Variants in GNA14 observed in about 807,000 individuals in gnomAD.
GNA14 encodes the protein guanine nucleotide-binding protein subunit alpha-14.
A neutral mutation model predicts 42.0 loss-of-function variants in GNA14; 50 were observed. That is an observed-to-expected ratio of 1.19 (90% CI 0.95 to 1.51). The LOEUF (loss-of-function observed/expected upper bound fraction) is 1.51. Among genes scored for constraint, GNA14 ranks in the 40% most tolerant of loss-of-function variants. The pLI, the probability that GNA14 is intolerant of heterozygous loss-of-function variation, is 0.00. For synonymous variants in GNA14, 173 were observed against 163.1 expected (o/e 1.06, Z -0.46); for missense variants, 473 against 446.2 (o/e 1.06, Z -0.54).
chr9:77,640,871 C>CAAAAAAAAAA (rs1178043976), intron 1 of GNA14, among the ~76,000 whole-genome samples: 1 of 27,366 alleles, frequency 3.7e-5, no homozygotes, highest in African/African-American at 1.2e-4. Context: ...ATAAAATGCT[C>CAAAAAAAAAA]AAAAAAAAAA....
chr9:77,552,487 G>A (rs1201789419), intron 1 of GNA14, among the ~76,000 whole-genome samples: 1 of 152,120 alleles, frequency 6.6e-6, no homozygotes, highest in African/African-American at 2.4e-5. Flanking sequence ...TCTGTGATAT[G>A]TCCCAAGTTA....
At chr9:77,598,004 A>G (rs1260995589) in intron 1 of GNA14, among the ~76,000 whole-genome samples, 1 of 152,182 alleles carries the variant, frequency 6.6e-6, no homozygotes, top group Non-Finnish European at 1.5e-5. Flanking sequence ...ATTCCACTGC[A>G]TTCCAGCCTG....
At chr9:77,458,472 C>A (rs1836045899) in intron 2 of GNA14, among the ~76,000 whole-genome samples, 3 of 152,132 alleles carry the variant, frequency 2.0e-5, no homozygotes, top group Non-Finnish European at 4.4e-5. Flanking sequence ...CACAGTAGGG[C>A]ACAGTTAGCG....
chr9:77,429,991 C>T (rs1050214411), intron 4 of GNA14, among the ~76,000 whole-genome samples: 3 of 152,040 alleles, frequency 2.0e-5, no homozygotes, highest in Non-Finnish European at 4.4e-5. Context: ...GGTCCACAGG[C>T]CAACCACCCA....
chr9:77,554,536 C>A (rs1441088596), intron 1 of GNA14, among the ~76,000 whole-genome samples: 1 of 152,136 alleles, frequency 6.6e-6, no homozygotes, highest in Non-Finnish European at 1.5e-5. Flanking sequence ...GCGAGGGATT[C>A]ATATTCTGTT....
chr9:77,541,532 G>C (rs1837661276), intron 1 of GNA14, among the ~76,000 whole-genome samples: 1 of 152,054 alleles, frequency 6.6e-6, no homozygotes, highest in African/African-American at 2.4e-5. Context: ...TTTTTGCATT[G>C]TATCTGTTTG....
chr9:77,557,874 T>C (rs550681923), intron 1 of GNA14, among the ~76,000 whole-genome samples: 41 of 152,308 alleles, frequency 2.7e-4, no homozygotes, highest in Non-Finnish European at 5.1e-4. Flanking sequence ...AAAGAGGGAA[T>C]CTGAGCAGCC....
intron 1 of GNA14, among the ~76,000 whole-genome samples, chr9:77,618,603 TATATATATATATATATA>T (rs1369178920): frequency 6.5e-4 from 8 of 12,258 alleles, no homozygotes; most frequent in African/African-American, 1.9e-3. Context: ...TATATATATA[TATATATATATATATATA>T]TTTTTTTTTT....
At chr9:77,644,643 A>G (rs1474241982) in intron 1 of GNA14, among the ~76,000 whole-genome samples, 2 of 152,082 alleles carry the variant, frequency 1.3e-5, no homozygotes, top group African/African-American at 4.8e-5. Flanking sequence ...GAAGCCTCCC[A>G]GTCTGTGGTA....
intron 1 of GNA14, among the ~76,000 whole-genome samples, chr9:77,529,907 T>C (rs1837503398): frequency 6.6e-6 from 1 of 152,166 alleles, no homozygotes; most frequent in Non-Finnish European, 1.5e-5. Context: ...ACATTCATAT[T>C]AGATTGAGAG....
intron 2 of GNA14, among the ~76,000 whole-genome samples, chr9:77,472,971 G>A (rs1836358708): frequency 6.6e-6 from 1 of 152,188 alleles, no homozygotes; most frequent in African/African-American, 2.4e-5. Flanking sequence ...AAGTCACCCA[G>A]TTAATGGCAT....
intron 1 of GNA14, among the ~76,000 whole-genome samples, chr9:77,578,563 C>T (rs1823165545): frequency 6.6e-6 from 1 of 152,098 alleles, no homozygotes; most frequent in Non-Finnish European, 1.5e-5. Flanking sequence ...GTTGCTACAA[C>T]CTTGAGATAT....
chr9:77,570,917 C>T (rs1407850503), intron 1 of GNA14, among the ~76,000 whole-genome samples: 2 of 150,592 alleles, frequency 1.3e-5, no homozygotes, highest in African/African-American at 5.0e-5. Context: ...AATCTATGTG[C>T]ATATTTAATA....
intron 1 of GNA14, among the ~76,000 whole-genome samples, chr9:77,602,709 T>C (rs1249730857): frequency 6.6e-6 from 1 of 151,810 alleles, no homozygotes; most frequent in Non-Finnish European, 1.5e-5. Context: ...ATGGTTTTGT[T>C]TTTTTTTTCC....
rs1313891974 is a variant in GNA14 at position 77,423,537 on chromosome 9, A to G, written c.*442T>C. On this transcript the variant is annotated 3_prime_UTR_variant, in exon 7 of 7. Coordinates refer to ENST00000341700, the MANE Select transcript of GNA14 (RefSeq NM_004297.4). ...AAATGTCTCTAAATTACAAGGTTTA[A>G]TAAAAAGCTTCAAACCCATTAACAT... 6.6e-6 allele frequency: 1 copy of G among 152,344 alleles called. No individual in the cohort carries two copies. The highest frequency in any genetic ancestry group is 2.4e-5 in the African/African-American group (1 of 41,470). The allele number at this position is 152,344 out of a possible 1,614,324, so 9.4% of individuals were successfully genotyped here. A position where few individuals can be genotyped will look rare whatever the true frequency, so the allele number is the denominator to read the frequency against.
At chr9:77,543,099 C>T (rs1426139415) in intron 1 of GNA14, among the ~76,000 whole-genome samples, 1 of 152,240 alleles carries the variant, frequency 6.6e-6, no homozygotes, top group Non-Finnish European at 1.5e-5. Context: ...AGCAGCAATG[C>T]TATTTGTCTT....
chr9:77,636,204 T>C (rs977407044), intron 1 of GNA14, among the ~76,000 whole-genome samples: 3 of 152,220 alleles, frequency 2.0e-5, no homozygotes, highest in Admixed American at 1.3e-4. Context: ...TGGGATGGGT[T>C]ACTCAGAAAG....
At chr9:77,483,372 G>A (rs1029049735) in intron 2 of GNA14, among the ~76,000 whole-genome samples, 3 of 152,164 alleles carry the variant, frequency 2.0e-5, no homozygotes, top group African/African-American at 7.2e-5. Context: ...AACAGCGGTG[G>A]CTGTAGAACA....
intron 1 of GNA14, chr9:77,635,147 G>A (rs1824162632): frequency 1.3e-5 from 2 of 152,146 alleles, no homozygotes; most frequent in African/African-American, 4.8e-5. Flanking sequence ...GACCCAACGT[G>A]TAGTCTTCTA....
Sources: allele counts gnomAD v4.1 joint callset (sites outside exome capture counted in the v4.1 genomes callset), GRCh38; gene constraint gnomAD v4.1.1; transcripts MANE v1.5; gene names NCBI Gene and HGNC (gene_info 2026-07-23, HGNC 2026-07-21).